Variants in CFB observed in about 807,000 individuals in gnomAD.
CFB encodes complement factor B, also known as B-factor, properdin.
A neutral mutation model predicts 97.2 loss-of-function variants in CFB; 59 were observed. The observed-to-expected ratio is 0.61, with a 90% confidence interval of 0.49 to 0.75. The LOEUF (loss-of-function observed/expected upper bound fraction) is 0.75. Among genes scored for constraint, CFB ranks in the 30% least tolerant of loss-of-function variants. CFB has a pLI of 0.00. For synonymous variants in CFB, 316 were observed against 351.7 expected (o/e 0.90, Z 1.14); for missense variants, 771 against 959.8 (o/e 0.80, Z 2.60).
At position 31,947,368 on chromosome 6, in the gene CFB, G is replaced by A; in HGVS notation, c.505G>A (p.Gly169Ser). 6.2e-7 allele frequency: 1 copy of A among 1,612,978 alleles called. No homozygotes were observed. ...TGCAGCGGGGTACTGCTCCAACCCG[G>A]GCATCCCCATTGGCACAAGGAAGGT... ...DNGAGYCSNP[G>S]IPIGTRKVGS... The change falls in exon 4 of 18, where the codon GGC becomes AGC. Residue 169 changes from glycine (G) to serine (S), a missense_variant. Coordinates refer to ENST00000425368, the MANE Select transcript of CFB (RefSeq NM_001710.6). This position sits in a 1 kb window ranked among gnomAD's most constrained non-coding sequence, Gnocchi z 5.3.
In CFB at chr6:31,948,932, CCCG is replaced by C. The variant is rs761853337; in HGVS notation, c.1142_1144del (p.Arg381del). 3.1e-6 allele frequency: 5 copies of C among 1,612,942 alleles called. No individual in the cohort carries two copies. Among genetic ancestry groups the C allele is most frequent in the Non-Finnish European group, 4.2e-6 (5 of 1,179,996 alleles). Reference sequence around the variant, plus strand: ...GTCCCTCCTGAAGGCTGGAACCGCACCCGCCATGTCATCATCCTCATGACTGAT... The same window carrying C: ...GTCCCTCCTGAAGGCTGGAACCGCACCCATGTCATCATCCTCATGACTGAT... On this transcript the variant is annotated inframe_deletion, in exon 8 of 18. Transcript: ENST00000425368.
rs1281381675 is a variant in CFB at position 31,950,317 on chromosome 6, G to C, written c.1538G>C (p.Gly513Ala). Residue 513 changes from glycine (G) to alanine (A), a missense_variant, in exon 12 of 18, where the codon GGG (glycine) becomes GCG (alanine). Gly to Ala is a moderately conservative substitution (Grantham distance 60, BLOSUM62 0). Transcript: ENST00000425368. Reference protein sequence around the residue: ...RPSKGHESCMGAVVSEYFVLT... With the variant: ...RPSKGHESCMAAVVSEYFVLT... The stretch of plus-strand genomic sequence containing the variant: ...TCAAAGGGACACGAGAGCTGTATGG[G>C]GGCTGTGGTGTCTGAGTACTTTGTG... 2 of 1,612,932 alleles carry C rather than the reference G, an allele frequency of 1.2e-6. No individual in the cohort carries two copies. The highest frequency in any genetic ancestry group is 1.7e-6 in the Non-Finnish European group (2 of 1,180,016).
chr6:31,949,371 C>G (rs748961936), intron 9 of CFB, 27 bp downstream of exon 9: 1 of 1,614,196 alleles, frequency 6.2e-7, no homozygotes, highest in Non-Finnish European at 8.5e-7. Flanking sequence ...GGACCCAGCA[C>G]CCCACTTCCT....
chr6:31,946,550 C>A lies in CFB; in HGVS notation c.242C>A (p.Ser81Tyr), dbSNP rs910317043. Residue 81 changes from serine (S) to tyrosine (Y), a missense_variant, in exon 2 of 18, where the codon TCC (serine) becomes TAC (tyrosine). Coordinates refer to ENST00000425368, the MANE Select transcript of CFB (RefSeq NM_001710.6). The surrounding 1 kb of genome is among the most constrained non-coding windows in gnomAD (Gnocchi z 6.4). ...VQTRTCRSTGSWSTLKTQDQK... is the reference protein window; with the variant it reads ...VQTRTCRSTGYWSTLKTQDQK... ...ACACGTACCTGCAGATCTACGGGGT[C>A]CTGGAGCACCCTGAAGACTCAAGAC... 1.9e-6 allele frequency: 3 copies of A among 1,612,670 alleles called. No homozygotes were observed. Among genetic ancestry groups the A allele is most frequent in the Non-Finnish European group, 2.5e-6 (3 of 1,180,042 alleles).
rs779981834 is a variant in CFB at position 31,952,044 on chromosome 6, G to A, written c.*14G>A. The A allele has an allele frequency of 1.2e-6, 2 of 1,612,268 alleles. No homozygotes were observed. Among genetic ancestry groups the A allele is most frequent in the Middle Eastern group, 3.3e-4 (2 of 6,062 alleles). ...GGTTTTCTATAAGGGGTTTCCTGCT[G>A]GACAGGGGCGTGGGATTGAATTAAA... is the stretch of plus-strand genomic sequence containing the variant. On this transcript the variant is annotated 3_prime_UTR_variant, in exon 18 of 18. Coordinates refer to ENST00000425368, the MANE Select transcript of CFB (RefSeq NM_001710.6).
chr6:31,951,546 TC>T lies in CFB; in HGVS notation c.2090-7del, dbSNP rs1176741044. ...GTCCTTTTCTCTACAGCTTCTCCTC[TC>T]CTTGCAGGTGATTCTGGCGGCCCCT... is the stretch of plus-strand genomic sequence containing the variant. On this transcript the variant is annotated splice_region_variant and splice_polypyrimidine_tract_variant and intron_variant, in intron 16 of 17. Transcript: ENST00000425368. The surrounding 1 kb of genome is among the most constrained non-coding windows in gnomAD (Gnocchi z 4.3). 3 of 1,614,106 alleles carry T rather than the reference TC, an allele frequency of 1.9e-6. No homozygotes were observed. The African/African-American group carries it at 4.0e-5, about 22-fold the overall frequency.
chr6:31,948,588 T>C (rs759570192), intron 7 of CFB, 76 bp downstream of exon 7: 2 of 1,601,208 alleles, frequency 1.2e-6, no homozygotes, highest in Non-Finnish European at 1.7e-6. Context: ...TGAGACTACC[T>C]TGAGGGCGAC....
In CFB at chr6:31,951,413, AC is replaced by A. The variant is rs1771761820; in HGVS notation, c.2033del (p.Pro678LeufsTer9). 6.2e-7 allele frequency: 1 copy of A among 1,614,024 alleles called. No homozygotes were observed. The highest frequency in any genetic ancestry group is 1.7e-5 in the Admixed American group (1 of 59,996). ...DKVKDISEVVTPRFLCTGGVS... is the reference protein window; with the variant it reads ...DKVKDISEVVXPRFLCTGGVS... Reference sequence around the variant, plus strand: ...AGTCAAGGACATCTCAGAGGTGGTCACCCCTCGGTTCCTTTGTACTGGAGGA... The same window carrying A: ...AGTCAAGGACATCTCAGAGGTGGTCACCCTCGGTTCCTTTGTACTGGAGGA... On this transcript the variant is annotated frameshift_variant, in exon 16 of 18. Coordinates refer to ENST00000425368, the MANE Select transcript of CFB (RefSeq NM_001710.6). LOFTEE classifies it high-confidence loss of function. The surrounding 1 kb of genome is among the most constrained non-coding windows in gnomAD (Gnocchi z 4.3).
At position 31,951,502 on chromosome 6, in the gene CFB, A is replaced by C. The variant is rs1224223678; in HGVS notation, c.2089+29A>C. ...AGAGAATGCTCTTTGGTTGTGCTAC[A>C]AGTGCCCAAGGCCCAACAGTCCTTT... On this transcript the variant is annotated intron_variant, in intron 16 of 17. Coordinates refer to ENST00000425368, the MANE Select transcript of CFB (RefSeq NM_001710.6). This position sits in a 1 kb window ranked among gnomAD's most constrained non-coding sequence, Gnocchi z 4.3. 2.5e-6 allele frequency: 4 copies of C among 1,614,074 alleles called. No individual in the cohort carries two copies. In the Admixed American group the frequency reaches 5.0e-5, roughly 20 times the overall value.
At position 31,947,419 on chromosome 6, in the gene CFB, A is replaced by G; in HGVS notation, c.556A>G (p.Ser186Gly). 6.2e-7 allele frequency: 1 copy of G among 1,613,050 alleles called. No homozygotes were observed. Among genetic ancestry groups the G allele is most frequent in the Non-Finnish European group, 8.5e-7 (1 of 1,180,026 alleles). ...KVGSQYRLED[S>G]VTYHCSRGLT... ...GGGCAGCCAGTACCGCCTTGAAGAC[A>G]GCGTCACCTACCACTGCAGCCGGGG... The change falls in exon 4 of 18, where the codon AGC (serine) becomes GGC (glycine). Residue 186 changes from serine (S) to glycine (G), a missense_variant. By Grantham distance (56) the Ser-to-Gly change is moderately conservative. Transcript: ENST00000425368. The surrounding 1 kb of genome is among the most constrained non-coding windows in gnomAD (Gnocchi z 5.3).
chr6:31,949,172 C>T, intron 8 of CFB, 71 bp from the exon 9 acceptor site: 2 of 1,523,112 alleles, frequency 1.3e-6, no homozygotes, highest in Non-Finnish European at 9.1e-7. Context: ...CTCACCCTGC[C>T]ATGTGTATCC....
Position 31,947,713 on chromosome 6 carries a change from A to G in CFB, c.659-29A>G. On this transcript the variant is annotated intron_variant, in intron 4 of 17. Transcript: ENST00000425368. The surrounding 1 kb of genome is among the most constrained non-coding windows in gnomAD (Gnocchi z 5.3). ...GTCACTGTATCCCTGACACTCCCAG[A>G]CATTTGACCTCATTTCTGACTCTCC... The G allele has an allele frequency of 6.2e-7, 1 of 1,610,050 alleles. No homozygotes were observed. Among genetic ancestry groups the G allele is most frequent in the Non-Finnish European group, 8.5e-7 (1 of 1,177,414 alleles).
chr6:31,950,013 T>A (rs754815318), intron 10 of CFB, 37 bp from the exon 11 acceptor site: 1 of 1,600,722 alleles, frequency 6.2e-7, no homozygotes, highest in Non-Finnish European at 8.6e-7. Context: ...GGGAATGAAG[T>A]GTTCCGAGTT....
rs1375393785 is a variant in CFB, at chr6:31,947,556, G to A, written c.658+35G>A. ...GACCTGTACCCCCAGGTCAGATCCTGGTCTTCCATCCTACTGTCTTCTCTC... is the reference window on the plus strand; with the variant it reads ...GACCTGTACCCCCAGGTCAGATCCTAGTCTTCCATCCTACTGTCTTCTCTC... On this transcript the variant is annotated intron_variant, in intron 4 of 17. Coordinates refer to ENST00000425368, the MANE Select transcript of CFB (RefSeq NM_001710.6). The surrounding 1 kb of genome is among the most constrained non-coding windows in gnomAD (Gnocchi z 5.3). 2.5e-6 allele frequency: 4 copies of A among 1,612,044 alleles called. No homozygotes were observed. The highest frequency in any genetic ancestry group is 2.5e-6 in the Non-Finnish European group (3 of 1,179,608).
At chr6:31,949,131 GATCAACT>G in intron 8 of CFB, 105 bp from the exon 9 acceptor site, 1 of 1,428,884 alleles carries the variant, frequency 7.0e-7, no homozygotes, top group East Asian at 2.4e-5. Context: ...TAAGCCCTGT[GATCAACT>G]ATCTCTAACC....
Position 31,948,162 on chromosome 6 carries a change from C to T in CFB, c.897+81C>T, listed in dbSNP as rs144542933. 3.5e-4 allele frequency: 550 copies of T among 1,576,928 alleles called. 2 individuals are homozygous for T. The East Asian group carries it at 8.9e-3, about 26-fold the overall frequency. ...ACTAGCTCCCTGATCATTCCAGCCC[C>T]TCTGAACAACAGGGCCCCAGGAAAA... On this transcript the variant is annotated intron_variant, in intron 6 of 17. Coordinates refer to ENST00000425368, the MANE Select transcript of CFB (RefSeq NM_001710.6).
In CFB at chr6:31,951,102, C is replaced by T; in HGVS notation, c.1856-42C>T. 1 of 1,600,592 alleles carries T rather than the reference C, an allele frequency of 6.2e-7. No homozygotes were observed. The highest frequency in any genetic ancestry group is 8.6e-7 in the Non-Finnish European group (1 of 1,169,214). On this transcript the variant is annotated intron_variant, in intron 14 of 17. Coordinates refer to ENST00000425368, the MANE Select transcript of CFB (RefSeq NM_001710.6). This position sits in a 1 kb window ranked among gnomAD's most constrained non-coding sequence, Gnocchi z 4.3. ...AGTGACAAAGGCAATGGGGAGATGA[C>T]AGTGGTGGGAGCAGCTGAAGTGACG...
Position 31,950,274 on chromosome 6 carries a change from T to G in CFB, c.1507-12T>G. 1 of 1,612,106 alleles carries G rather than the reference T, an allele frequency of 6.2e-7. No individual in the cohort carries two copies. The highest frequency in any genetic ancestry group is 8.5e-7 in the Non-Finnish European group (1 of 1,179,158). ...AAAGTTGAGCTTTCCCTCTCTACTG[T>G]TGTGTCCCCAGCGCCCTTCAAAGGG... On this transcript the variant is annotated splice_polypyrimidine_tract_variant and intron_variant, in intron 11 of 17. Coordinates refer to ENST00000425368, the MANE Select transcript of CFB (RefSeq NM_001710.6).
chr6:31,951,807 AG>A lies in CFB; in HGVS notation c.2140-66del, dbSNP rs1212805471. 4.8e-5 allele frequency: 77 copies of A among 1,610,234 alleles called. No homozygotes were observed. The highest frequency in any genetic ancestry group is 6.4e-5 in the Non-Finnish European group (75 of 1,177,666). ...CCTTTAGGTCAGCTAAGACACAAGC[AG>A]GAACAGCCATGCTTCCAGGATTAGG... On this transcript the variant is annotated intron_variant, in intron 17 of 17. Transcript: ENST00000425368. The surrounding 1 kb of genome is among the most constrained non-coding windows in gnomAD (Gnocchi z 4.3).
Sources: gnomAD v4.1 joint callset for allele counts on GRCh38, gnomAD v4.1.1 for gene constraint, Gnocchi (gnomAD v3.1) non-coding constraint, MANE v1.5 for transcripts, NCBI Gene and HGNC (gene_info 2026-07-23, HGNC 2026-07-21) for gene names.